Variants in FERRY3 observed in about 807,000 individuals in gnomAD.
FERRY3 encodes protein C12orf4.
At chr12:4,500,579 A>G in the FERRY3 span, among the ~76,000 whole-genome samples, 5 of 152,164 alleles carry the variant, frequency 3.3e-5, no homozygotes, top group South Asian at 1.0e-3. Flanking sequence ...GTATGAAGTG[A>G]CCACCAAGTA....
chr12:4,491,147 G>A, the FERRY3 span: 5 of 1,605,186 alleles, frequency 3.1e-6, no homozygotes, highest in Non-Finnish European at 3.4e-6. Context: ...AAATACAGGT[G>A]GTGGTTGTCA....
chr12:4,504,313 T>C, the FERRY3 span, among the ~76,000 whole-genome samples: 5 of 152,170 alleles, frequency 3.3e-5, no homozygotes, highest in Admixed American at 3.3e-4. Context: ...CATCAAGAGA[T>C]GGCTATTTCT....
the FERRY3 span, chr12:4,517,946 G>C: frequency 3.6e-6 from 3 of 825,366 alleles, no homozygotes; most frequent in African/African-American, 5.1e-5. Context: ...TGGTCTACTT[G>C]GATGTCAAGG....
chr12:4,525,641 T>C, the FERRY3 span: 6 of 1,203,608 alleles, frequency 5.0e-6, no homozygotes, highest in Non-Finnish European at 7.1e-6. Context: ...TATATGATCC[T>C]TCAGATTCAT....
At chr12:4,513,223 T>A in the FERRY3 span, among the ~76,000 whole-genome samples, 1 of 110,216 alleles carries the variant, frequency 9.1e-6, no homozygotes, top group Non-Finnish European at 1.8e-5. Flanking sequence ...TACAAACCAC[T>A]GCTCAAGGAA....
the FERRY3 span, among the ~76,000 whole-genome samples, chr12:4,496,896 T>C: frequency 2.0e-5 from 3 of 152,228 alleles, no homozygotes; most frequent in East Asian, 1.9e-4. Flanking sequence ...TAGCAGAAGA[T>C]GAGAAATAGT....
the FERRY3 span, chr12:4,535,994 T>C: frequency 6.7e-7 from 1 of 1,502,652 alleles, no homozygotes; most frequent in Non-Finnish European, 8.9e-7. This position sits in a 1 kb window ranked among gnomAD's most constrained non-coding sequence, Gnocchi z 4.0. Context: ...GTGGTGTTAC[T>C]TAAAAAAAAA....
chr12:4,519,684 C>T, the FERRY3 span, among the ~76,000 whole-genome samples: 1 of 152,188 alleles, frequency 6.6e-6, no homozygotes, highest in Non-Finnish European at 1.5e-5. The surrounding 1 kb of genome is among the most constrained non-coding windows in gnomAD (Gnocchi z 4.3). Context: ...CTGTTAGGAA[C>T]CGGGCCGCAC....
the FERRY3 span, chr12:4,525,600 C>A: frequency 6.4e-7 from 1 of 1,555,154 alleles, no homozygotes. Flanking sequence ...CACAAATAAA[C>A]AAATCAGGGA....
the FERRY3 span, chr12:4,489,606 T>C: frequency 2.4e-5 from 9 of 381,198 alleles, no homozygotes; most frequent in African/African-American, 4.2e-5. Flanking sequence ...AAAGAGACTT[T>C]AAGTGTTTAA....
the FERRY3 span, chr12:4,518,751 T>C: frequency 2.3e-6 from 3 of 1,331,616 alleles, no homozygotes; most frequent in Admixed American, 4.0e-5. Context: ...AAATTATAAC[T>C]GCAAAAAAAT....
chr12:4,519,936 T>C, the FERRY3 span, among the ~76,000 whole-genome samples: 2 of 152,212 alleles, frequency 1.3e-5, no homozygotes, highest in East Asian at 1.9e-4. The surrounding 1 kb of genome is among the most constrained non-coding windows in gnomAD (Gnocchi z 4.3). Flanking sequence ...GGACTGCTGA[T>C]CTACAAAATC....
chr12:4,499,137 A>C, the FERRY3 span, among the ~76,000 whole-genome samples: 1 of 152,208 alleles, frequency 6.6e-6, no homozygotes, highest in Non-Finnish European at 1.5e-5. Flanking sequence ...ATTTATAATC[A>C]ATAATCAAAC....
chr12:4,528,025 A>C, the FERRY3 span, among the ~76,000 whole-genome samples: 1 of 152,302 alleles, frequency 6.6e-6, no homozygotes, highest in Non-Finnish European at 1.5e-5. Context: ...ATAAGGAAGC[A>C]TTATAGACTA....
the FERRY3 span, among the ~76,000 whole-genome samples, chr12:4,499,568 C>T: frequency 3.3e-5 from 5 of 152,068 alleles, no homozygotes; most frequent in African/African-American, 4.8e-5. Flanking sequence ...AATTATAGTC[C>T]GTAACAAAAT....
chr12:4,536,398 T>TAA, the FERRY3 span, among the ~76,000 whole-genome samples: 6 of 136,608 alleles, frequency 4.4e-5, no homozygotes, highest in East Asian at 2.1e-4. Context: ...AGTGCTTCTT[T>TAA]AAAAAAAAAA....
At chr12:4,515,978 A>T in the FERRY3 span, among the ~76,000 whole-genome samples, 1 of 152,178 alleles carries the variant, frequency 6.6e-6, no homozygotes, top group Non-Finnish European at 1.5e-5. Flanking sequence ...TTTTCCTGTA[A>T]ATTTCCTAAA....
At chr12:4,518,318 G>A in the FERRY3 span, 3 of 1,418,488 alleles carry the variant, frequency 2.1e-6, no homozygotes, top group Admixed American at 5.4e-5. Flanking sequence ...AGTATAACAA[G>A]ATGCAAATCT....
the FERRY3 span, chr12:4,518,836 T>C: frequency 4.4e-6 from 7 of 1,593,602 alleles, no homozygotes; most frequent in Non-Finnish European, 6.0e-6. Flanking sequence ...TCCAATTGCT[T>C]CTACAGATTC....
Sources: allele counts gnomAD v4.1 joint callset (sites outside exome capture counted in the v4.1 genomes callset), GRCh38; gene constraint gnomAD v4.1.1; non-coding constraint Gnocchi (gnomAD v3.1); transcripts MANE v1.5; gene names NCBI Gene and HGNC (gene_info 2026-07-23, HGNC 2026-07-21).